ROBO1: variants seen among roughly 807,000 people sequenced by gnomAD.
The protein encoded by ROBO1 is roundabout homolog 1.
A neutral mutation model predicts 195.9 loss-of-function variants in ROBO1; 149 were observed. The observed-to-expected ratio is 0.76, with a 90% CI of 0.67 to 0.87. The LOEUF is 0.87. ROBO1 is among the 40% of genes least tolerant of loss of function. The pLI is 0.00. For synonymous variants in ROBO1, 816 were observed against 733.2 expected (o/e 1.11, Z -1.82); for missense variants, 1,933 against 2,068.3 (o/e 0.93, Z 1.27).
chr3:79,607,972 C>A (rs150602198), intron 1 of ROBO1, among the ~76,000 whole-genome samples: 1 of 152,052 alleles, frequency 6.6e-6, no homozygotes, highest in African/African-American at 2.4e-5. Flanking sequence ...AATATTGAAG[C>A]TAAATCACGT....
intron 11 of ROBO1, 102 bp from the exon 12 acceptor site, chr3:78,668,667 G>T: frequency 2.1e-6 from 2 of 940,200 alleles, no homozygotes; most frequent in Non-Finnish European, 3.2e-6. Flanking sequence ...ATGGATAACT[G>T]CATTAAAATT....
At chr3:79,218,141 G>A (rs559563638) in intron 2 of ROBO1, among the ~76,000 whole-genome samples, 22 of 151,908 alleles carry the variant, frequency 1.4e-4, no homozygotes, top group Non-Finnish European at 3.1e-4. Context: ...TTTCCCAAGT[G>A]AATGTAAACT....
chr3:78,824,391 C>G (rs932665965), intron 4 of ROBO1, among the ~76,000 whole-genome samples: 1 of 152,152 alleles, frequency 6.6e-6, no homozygotes, highest in Non-Finnish European at 1.5e-5. Context: ...GATAAATAAT[C>G]ATTAAACAAT....
intron 3 of ROBO1, among the ~76,000 whole-genome samples, chr3:79,072,638 C>T (rs1005491038): frequency 3.3e-5 from 5 of 151,852 alleles, no homozygotes; most frequent in African/African-American, 2.4e-5. Context: ...GAACATTCTT[C>T]GCCACTCAAT....
rs763293288 is a variant in ROBO1, at chr3:78,651,766, G to T, written c.2778C>A (p.Asn926Lys). The change falls in exon 19 of 31, where the codon AAC becomes AAA. Residue 926 changes from asparagine to lysine, a missense_variant. Physicochemically the swap from Asn to Lys is moderately conservative, Grantham distance 94 (BLOSUM62 0). Coordinates refer to ENST00000464233, the MANE Select transcript of ROBO1 (RefSeq NM_002941.4). ...IWLYRHRKKRNGLTSTYAGIR... is the reference protein window; with the variant it reads ...IWLYRHRKKRKGLTSTYAGIR... ...TACCCGCGTAGGTACTAGTAAGTCC[G>T]TTTCTCTTCTTGCGGTGTCGATAAA... 3.7e-5 allele frequency: 60 copies of T among 1,613,156 alleles called. No individual in the cohort carries two copies. The highest frequency in any genetic ancestry group is 5.1e-5 in the Non-Finnish European group (60 of 1,179,516).
chr3:79,104,508 A>C (rs950902392), intron 3 of ROBO1, among the ~76,000 whole-genome samples: 5 of 151,800 alleles, frequency 3.3e-5, no homozygotes, highest in Admixed American at 1.3e-4. Context: ...ACAAGAGCAG[A>C]CACCTGGTTT....
chr3:78,943,303 A>G (rs1207711933), intron 3 of ROBO1, among the ~76,000 whole-genome samples: 11 of 152,170 alleles, frequency 7.2e-5, no homozygotes, highest in Admixed American at 7.2e-4. Flanking sequence ...CCAATTACAG[A>G]ATCTGGATGT....
intron 3 of ROBO1, among the ~76,000 whole-genome samples, chr3:79,103,930 A>G (rs966262736): frequency 6.6e-6 from 1 of 151,786 alleles, no homozygotes; most frequent in African/African-American, 2.4e-5. Context: ...CAAATATTAT[A>G]TTTGGTCAGG....
At chr3:79,127,020 AAAGTT>A (rs902626840) in intron 2 of ROBO1, among the ~76,000 whole-genome samples, 6 of 152,076 alleles carry the variant, frequency 3.9e-5, no homozygotes, top group African/African-American at 1.4e-4. Flanking sequence ...AAAAAAAAAA[AAAGTT>A]AAGATCTGTG....
chr3:79,322,476 G>A (rs1450584554), intron 2 of ROBO1, among the ~76,000 whole-genome samples: 5 of 152,308 alleles, frequency 3.3e-5, no homozygotes, highest in East Asian at 1.9e-4. Flanking sequence ...GATTGTAAGA[G>A]AAGGAGGCAT....
chr3:79,634,443 T>G (rs1383291556), intron 1 of ROBO1, among the ~76,000 whole-genome samples: 1 of 151,886 alleles, frequency 6.6e-6, no homozygotes, highest in Non-Finnish European at 1.5e-5. Context: ...CATTCAACAG[T>G]CTTAATATTT....
intron 4 of ROBO1, among the ~76,000 whole-genome samples, chr3:78,776,261 T>C (rs1421088272): frequency 6.6e-6 from 1 of 152,012 alleles, no homozygotes; most frequent in Non-Finnish European, 1.5e-5. Flanking sequence ...TTTATTTATT[T>C]ATTTATTTAG....
intron 2 of ROBO1, among the ~76,000 whole-genome samples, chr3:79,468,505 G>T (rs1159966121): frequency 6.6e-6 from 1 of 152,044 alleles, no homozygotes; most frequent in East Asian, 1.9e-4. Context: ...AATTATTAGA[G>T]GTAAGTCGTA....
chr3:79,430,275 AAAT>A (rs2038623893), intron 2 of ROBO1, among the ~76,000 whole-genome samples: 1 of 152,126 alleles, frequency 6.6e-6, no homozygotes, highest in South Asian at 2.1e-4. Context: ...AGTTCAATAA[AAAT>A]AATACTTTAC....
chr3:79,710,643 T>G (rs1425656259), intron 1 of ROBO1, among the ~76,000 whole-genome samples: 1 of 152,134 alleles, frequency 6.6e-6, no homozygotes, highest in Non-Finnish European at 1.5e-5. Context: ...TTGGTAAGTA[T>G]GTAAATAACA....
chr3:79,421,104 A>C (rs886102685), intron 2 of ROBO1, among the ~76,000 whole-genome samples: 2 of 152,130 alleles, frequency 1.3e-5, no homozygotes, highest in African/African-American at 2.4e-5. Flanking sequence ...TATTGTCCTT[A>C]GAAAAGTCAT....
chr3:78,820,036 C>CTT (rs1381388931), intron 4 of ROBO1, among the ~76,000 whole-genome samples: 1 of 152,116 alleles, frequency 6.6e-6, no homozygotes, highest in African/African-American at 2.4e-5. Context: ...ATTGCTGAAA[C>CTT]TTAAAAGAGT....
chr3:78,686,277 C>T (rs983040654), intron 9 of ROBO1, among the ~76,000 whole-genome samples: 2 of 152,086 alleles, frequency 1.3e-5, no homozygotes, highest in Non-Finnish European at 2.9e-5. Flanking sequence ...AAGTATCCGG[C>T]CGGGCGCGGT....
intron 2 of ROBO1, among the ~76,000 whole-genome samples, chr3:79,219,657 T>A (rs1055864155): frequency 6.6e-6 from 1 of 152,068 alleles, no homozygotes; most frequent in African/African-American, 2.4e-5. Flanking sequence ...TGAACAGTGC[T>A]GTTCATTTTT....
Sources: gnomAD v4.1 joint callset for allele counts (sites outside exome capture counted in the v4.1 genomes callset) on GRCh38, gnomAD v4.1.1 for gene constraint, MANE v1.5 for transcripts, NCBI Gene and HGNC (gene_info 2026-07-23, HGNC 2026-07-21) for gene names.